The following SP4 variants were observed in gnomAD, a reference collection of about 807,000 sequenced individuals.
SP4 encodes the protein Sp4 transcription factor.
SP4 carries 19 observed loss-of-function variants against 72.8 expected under a neutral mutation model. The ratio of observed to expected loss-of-function variants is 0.26; its 90% confidence interval spans 0.18 to 0.38. The LOEUF is 0.38. SP4 is among the 10% of genes least tolerant of loss of function. The pLI is 1.00. For missense variants in SP4, 1,008 were observed against 926.3 expected, an observed-to-expected ratio of 1.09 and a Z score of -1.14; for synonymous variants, 395 against 333.1, an observed-to-expected ratio of 1.19 and a Z score of -2.02.
At chr7:21,487,860 C>T (rs557738499) in intron 5 of SP4, among the ~76,000 whole-genome samples, 4 of 151,492 alleles carry the variant, frequency 2.6e-5, no homozygotes, top group Non-Finnish European at 4.4e-5. Context: ...GAGCTAGTGG[C>T]GTTTTGTTTT....
chr7:21,475,814 C>T (rs1784482888), intron 3 of SP4, among the ~76,000 whole-genome samples: 2 of 152,170 alleles, frequency 1.3e-5, no homozygotes, highest in Non-Finnish European at 2.9e-5. Context: ...TCCGTGCCAG[C>T]ACTCTGGTAG....
intron 5 of SP4, among the ~76,000 whole-genome samples, chr7:21,508,564 G>C (rs1011354229): frequency 1.3e-5 from 2 of 151,968 alleles, no homozygotes; most frequent in African/African-American, 2.4e-5. Context: ...CCTGACCTCA[G>C]GGTCCACCCA....
intron 3 of SP4, among the ~76,000 whole-genome samples, chr7:21,434,922 C>T (rs1429200565): frequency 6.6e-6 from 1 of 151,984 alleles, no homozygotes; most frequent in African/African-American, 2.4e-5. Context: ...ACTAATTGTA[C>T]CTCTGGCTTA....
At chr7:21,491,714 A>G (rs959739236) in intron 5 of SP4, among the ~76,000 whole-genome samples, 2 of 152,236 alleles carry the variant, frequency 1.3e-5, no homozygotes. Flanking sequence ...CTTAGAAACT[A>G]TGGAGGACAG....
chr7:21,468,661 G>A (rs1466324946), intron 3 of SP4, among the ~76,000 whole-genome samples: 1 of 151,776 alleles, frequency 6.6e-6, no homozygotes, highest in Non-Finnish European at 1.5e-5. Flanking sequence ...AGTTTTCTAA[G>A]TAATATAATT....
intron 3 of SP4, among the ~76,000 whole-genome samples, chr7:21,444,694 C>T (rs1783366320): frequency 6.6e-6 from 1 of 152,090 alleles, no homozygotes; most frequent in African/African-American, 2.4e-5. Context: ...TTTCACAATC[C>T]TATGAAGAAG....
intron 3 of SP4, among the ~76,000 whole-genome samples, chr7:21,451,551 C>T (rs73265623): frequency 0.018 from 2,732 of 152,160 alleles, 75 homozygotes; most frequent in African/African-American, 0.063. Context: ...AGGTCTTGGC[C>T]TCTTGCTGGC....
At chr7:21,493,266 T>C (rs1480352865) in intron 5 of SP4, among the ~76,000 whole-genome samples, 1 of 149,812 alleles carries the variant, frequency 6.7e-6, no homozygotes, top group Admixed American at 6.6e-5. Flanking sequence ...AACAAAAATA[T>C]CTAGGAAATC....
At chr7:21,449,254 G>A (rs1268808615) in intron 3 of SP4, among the ~76,000 whole-genome samples, 4 of 152,180 alleles carry the variant, frequency 2.6e-5, no homozygotes, top group Non-Finnish European at 4.4e-5. Context: ...AAAGGATCTC[G>A]CCAACAGTTT....
chr7:21,464,416 G>A (rs1784100735), intron 3 of SP4, among the ~76,000 whole-genome samples: 1 of 152,230 alleles, frequency 6.6e-6, no homozygotes, highest in Middle Eastern at 3.4e-3. Context: ...CTCTTTCAGA[G>A]CCTCGTGATC....
chr7:21,509,073 A>T (rs914322945), intron 5 of SP4, among the ~76,000 whole-genome samples: 4 of 152,120 alleles, frequency 2.6e-5, no homozygotes, highest in African/African-American at 9.6e-5. Flanking sequence ...ACCTCAGTTC[A>T]TTTTACTGTC....
intron 3 of SP4, among the ~76,000 whole-genome samples, chr7:21,475,853 A>G (rs1326679188): frequency 6.6e-6 from 1 of 152,242 alleles, no homozygotes; most frequent in Non-Finnish European, 1.5e-5. Flanking sequence ...TAATACTTAC[A>G]TCAACTTTCT....
rs10540157 is a variant in SP4 at position 21,466,789 on chromosome 7, A to AT, written c.1679-10276dup. On this transcript the variant is annotated intron_variant, in intron 3 of 5. Transcript: ENST00000222584. Reference sequence around the variant, plus strand: ...AATAAGCATAATTTTCAAATCTAGGATTTTTTTTTTTTTTACCACCAGTGT... The same window carrying AT: ...AATAAGCATAATTTTCAAATCTAGGATTTTTTTTTTTTTTTACCACCAGTGT... Among the ~76,000 whole-genome samples, 598 of 145,886 alleles carry AT rather than the reference A, an allele frequency of 4.1e-3. 3 individuals are homozygous for AT. Among genetic ancestry groups the AT allele is most frequent in the African/African-American group, 7.8e-3 (312 of 40,198 alleles).
At chr7:21,439,037 G>GA (rs1783144192) in intron 3 of SP4, among the ~76,000 whole-genome samples, 1 of 152,116 alleles carries the variant, frequency 6.6e-6, no homozygotes, top group Non-Finnish European at 1.5e-5. Context: ...ATGTATGTAT[G>GA]AAAAAACAAT....
At chr7:21,502,038 G>GCCCC (rs1355848042) in intron 5 of SP4, among the ~76,000 whole-genome samples, 21 of 89,468 alleles carry the variant, frequency 2.3e-4, no homozygotes, top group East Asian at 1.7e-3. Flanking sequence ...AATTCATTAG[G>GCCCC]CACCCCCCCC....
At chr7:21,477,058 C>CT (rs763071592) in intron 3 of SP4, 21 bp from the exon 4 acceptor site, 33 of 1,570,380 alleles carry the variant, frequency 2.1e-5, no homozygotes, top group East Asian at 6.7e-5. Flanking sequence ...TACAATACTT[C>CT]TTTTTTTTCT....
chr7:21,511,652 C>G lies in SP4; in HGVS notation c.*383C>G, dbSNP rs1170888183. On this transcript the variant is annotated 3_prime_UTR_variant, in exon 6 of 6. Coordinates refer to ENST00000222584, the MANE Select transcript of SP4 (RefSeq NM_003112.5). The stretch of plus-strand genomic sequence containing the variant: ...GAAAGTACTTTGTTATAAATTCAGT[C>G]AGTAATAATTTACGTGTATTCTTTT... 1 of 171,704 alleles carries G rather than the reference C, an allele frequency of 5.8e-6. No individual in the cohort carries two copies. Among genetic ancestry groups the G allele is most frequent in the Non-Finnish European group, 1.3e-5 (1 of 78,486 alleles). The allele number at this position is 171,704 out of a possible 1,614,324, so 10.6% of individuals were successfully genotyped here.
chr7:21,442,450 T>C (rs2128395102), intron 3 of SP4, among the ~76,000 whole-genome samples: 1 of 152,362 alleles, frequency 6.6e-6, no homozygotes, highest in South Asian at 2.1e-4. Flanking sequence ...GACTCAATAG[T>C]ACATGATAGA....
chr7:21,504,249 T>A (rs201383548), intron 5 of SP4, among the ~76,000 whole-genome samples: 2 of 152,310 alleles, frequency 1.3e-5, no homozygotes, highest in East Asian at 3.9e-4. Flanking sequence ...GTTTGACCAG[T>A]TCCCCAGGTA....
Sources: gnomAD v4.1 joint callset for allele counts (sites outside exome capture counted in the v4.1 genomes callset) on GRCh38, gnomAD v4.1.1 for gene constraint, MANE v1.5 for transcripts, NCBI Gene and HGNC (gene_info 2026-07-23, HGNC 2026-07-21) for gene names.